Variants in TEX11 observed in about 807,000 individuals in gnomAD.
TEX11 encodes the protein testis-expressed protein 11.
A neutral mutation model predicts 84.4 loss-of-function variants in TEX11; 7 were observed. The ratio of observed to expected loss-of-function variants is 0.08; its 90% CI spans 0.05 to 0.16. The LOEUF (loss-of-function observed/expected upper bound fraction) is 0.16, where lower values mean the gene tolerates loss of function less well. TEX11 is among the 10% of genes least tolerant of loss of function. TEX11 has a pLI of 1.00. For missense variants in TEX11, 551 were observed against 660.5 expected (o/e 0.83, Z 1.82); for synonymous variants, 264 against 222.8 (o/e 1.18, Z -1.64).
At chrX:70,590,099 C>T (rs1383532600) in intron 25 of TEX11, among the ~76,000 whole-genome samples, 2 of 111,642 alleles carry the variant, frequency 1.8e-5, no homozygotes, top group African/African-American at 3.3e-5. Flanking sequence ...AAAAGGCACA[C>T]GAAAAGATGA....
intron 16 of TEX11, among the ~76,000 whole-genome samples, chrX:70,656,664 C>T (rs2089869721): frequency 9.0e-6 from 1 of 110,744 alleles, no homozygotes; most frequent in South Asian, 3.8e-4. Flanking sequence ...AGCATCTGTA[C>T]AGGATGAAGA....
chrX:70,576,899 G>A (rs1198859508), intron 25 of TEX11, among the ~76,000 whole-genome samples: 1 of 112,145 alleles, frequency 8.9e-6, no homozygotes, highest in Non-Finnish European at 1.9e-5. Flanking sequence ...GAGTTTAGAG[G>A]CTGGTAAAGG....
chrX:70,545,073 C>T (rs1298904859), intron 28 of TEX11, among the ~76,000 whole-genome samples: 1 of 108,735 alleles, frequency 9.2e-6, no homozygotes, highest in Non-Finnish European at 1.9e-5. Context: ...GGTGTGGTGG[C>T]ATGCACCTAT....
At chrX:70,696,390 C>T (rs2090280292) in intron 13 of TEX11, among the ~76,000 whole-genome samples, 1 of 111,638 alleles carries the variant, frequency 9.0e-6, no homozygotes, top group African/African-American at 3.3e-5. Context: ...CACACTGCCT[C>T]CTACCCCATC....
intron 28 of TEX11, among the ~76,000 whole-genome samples, chrX:70,546,341 A>G (rs2088124689): frequency 1.8e-5 from 2 of 112,100 alleles, no homozygotes; most frequent in Admixed American, 1.9e-4. Flanking sequence ...GGTTGGGCAA[A>G]GATTTCTCAG....
intron 9 of TEX11, among the ~76,000 whole-genome samples, chrX:70,745,714 A>T (rs1020777251): frequency 5.3e-5 from 6 of 112,220 alleles, no homozygotes; most frequent in Admixed American, 9.5e-5. Context: ...AGCCTGGGCG[A>T]CAGAGTGAAA....
At chrX:70,649,078 C>T (rs375948681) in intron 17 of TEX11, among the ~76,000 whole-genome samples, 5 of 111,763 alleles carry the variant, frequency 4.5e-5, no homozygotes, top group East Asian at 2.8e-4. Flanking sequence ...TAGTATTCCA[C>T]GGTGTATATG....
At chrX:70,666,998 T>C (rs2089981878) in intron 16 of TEX11, among the ~76,000 whole-genome samples, 1 of 112,069 alleles carries the variant, frequency 8.9e-6, no homozygotes, top group Non-Finnish European at 1.9e-5. Flanking sequence ...ATACCAGGAG[T>C]CAACAAACTA....
At chrX:70,783,765 G>C (rs1274402706) in intron 9 of TEX11, among the ~76,000 whole-genome samples, 1 of 111,389 alleles carries the variant, frequency 9.0e-6, no homozygotes, top group African/African-American at 3.3e-5. Flanking sequence ...ATCCTCCCAA[G>C]ACTAAACCAG....
Position 70,774,894 on chromosome X carries a change from AAAC to A in TEX11, c.693-30678_693-30676del, listed in dbSNP as rs375430364. 2.5e-3 allele frequency among the ~76,000 whole-genome samples: 275 copies of A among 111,462 alleles called. 2 individuals are homozygous for A. Among genetic ancestry groups the A allele is most frequent in the African/African-American group, 8.0e-3 (246 of 30,738 alleles). On this transcript the variant is annotated intron_variant, in intron 9 of 29. Transcript: ENST00000374333. Reference sequence around the variant, plus strand: ...GAATAGCCAAAGCAATCCTGAGCAAAAACAACAACAACAACAACAAACAAAGCT... The same window carrying A: ...GAATAGCCAAAGCAATCCTGAGCAAAAACAACAACAACAACAAACAAAGCT...
chrX:70,817,909 T>C (rs182202312), intron 8 of TEX11, among the ~76,000 whole-genome samples: 3 of 111,083 alleles, frequency 2.7e-5, no homozygotes, highest in East Asian at 2.8e-4. Context: ...AAAAAACACA[T>C]AGAAGTCAAG....
At chrX:70,716,403 G>A (rs1274791239) in intron 13 of TEX11, among the ~76,000 whole-genome samples, 2 of 108,501 alleles carry the variant, frequency 1.8e-5, no homozygotes, top group Non-Finnish European at 3.8e-5. Flanking sequence ...GTCTACAGAG[G>A]CAGGCAGGCC....
chrX:70,800,305 C>T (rs904725444), intron 9 of TEX11, among the ~76,000 whole-genome samples: 1 of 110,318 alleles, frequency 9.1e-6, no homozygotes, highest in Non-Finnish European at 1.9e-5. Flanking sequence ...GGGCTTAATA[C>T]CTGGGTGATG....
intron 9 of TEX11, among the ~76,000 whole-genome samples, chrX:70,799,602 T>C (rs1243556933): frequency 8.9e-6 from 1 of 112,368 alleles, no homozygotes; most frequent in East Asian, 2.8e-4. Context: ...TGCTTTTGCT[T>C]TGACTAGACC....
At chrX:70,575,675 G>T (rs2088664380) in intron 25 of TEX11, among the ~76,000 whole-genome samples, 2 of 111,685 alleles carry the variant, frequency 1.8e-5, no homozygotes, top group South Asian at 3.8e-4. Flanking sequence ...TTTCTCTTTT[G>T]TAAGTTACCC....
chrX:70,771,484 A>G (rs1216022743), intron 9 of TEX11, among the ~76,000 whole-genome samples: 1 of 111,464 alleles, frequency 9.0e-6, no homozygotes, highest in Non-Finnish European at 1.9e-5. Flanking sequence ...TCCTGTGTAT[A>G]CTCTTTGGCT....
intron 9 of TEX11, among the ~76,000 whole-genome samples, chrX:70,774,155 G>A (rs73222704): frequency 1.7e-4 from 19 of 109,919 alleles, no homozygotes; most frequent in African/African-American, 2.0e-4. Context: ...AACAGACTGC[G>A]CACTGTCCTG....
chrX:70,838,255 C>T (rs1329312535), intron 7 of TEX11, among the ~76,000 whole-genome samples: 1 of 110,836 alleles, frequency 9.0e-6, no homozygotes, highest in East Asian at 2.8e-4. Flanking sequence ...ACCATCTGTA[C>T]TAAAAATACA....
chrX:70,894,148 AG>A (rs199888140), intron 2 of TEX11, among the ~76,000 whole-genome samples: 3,777 of 110,983 alleles, frequency 0.034, 169 homozygotes, highest in African/African-American at 0.12. Flanking sequence ...AGAGGTACAA[AG>A]AGGAGCTGGT....
Sources: gnomAD v4.1 joint callset for allele counts (sites outside exome capture counted in the v4.1 genomes callset) on GRCh38, gnomAD v4.1.1 for gene constraint, MANE v1.5 for transcripts, NCBI Gene and HGNC (gene_info 2026-07-23, HGNC 2026-07-21) for gene names.